The following XKRX variants were observed in gnomAD, a reference collection of about 807,000 sequenced individuals.
XKRX encodes XK-related protein 2.
XKRX carries 11 observed loss-of-function variants against 22.4 expected under a neutral mutation model. The observed-to-expected ratio is 0.49, with a 90% CI of 0.31 to 0.81. The LOEUF is 0.81. Among genes scored for constraint, XKRX ranks in the 40% least tolerant of loss-of-function variants. The pLI is 0.05. For missense variants in XKRX, 320 were observed against 336.5 expected (o/e 0.95, Z 0.38); for synonymous variants, 114 against 132.2 (o/e 0.86, Z 0.94).
intron 2 of XKRX, among the ~76,000 whole-genome samples, chrX:100,918,651 G>A (rs1013187069): frequency 9.0e-6 from 1 of 111,627 alleles, no homozygotes; most frequent in Non-Finnish European, 1.9e-5. Flanking sequence ...CTGTTTCTTC[G>A]TCTGTAAAAT....
upstream of XKRX, among the ~76,000 whole-genome samples, chrX:100,932,977 C>A (rs1179164085): frequency 9.1e-6 from 1 of 110,217 alleles, no homozygotes; most frequent in Non-Finnish European, 1.9e-5. Flanking sequence ...CCAACCTGGG[C>A]AACAAAGTGA....
downstream of XKRX, among the ~76,000 whole-genome samples, chrX:100,912,277 A>G (rs1214925631): frequency 9.0e-6 from 1 of 111,592 alleles, no homozygotes. Context: ...TTATATGACA[A>G]TAACTAAGTC....
chrX:100,905,747 C>A, the XKRX span, among the ~76,000 whole-genome samples: 1 of 111,831 alleles, frequency 8.9e-6, no homozygotes, highest in African/African-American at 3.2e-5. Context: ...TTATTTAACT[C>A]ATTGAGGAGG....
intron 2 of XKRX, among the ~76,000 whole-genome samples, chrX:100,916,759 C>T (rs1433758327): frequency 8.9e-6 from 1 of 112,525 alleles, no homozygotes; most frequent in Non-Finnish European, 1.9e-5. Flanking sequence ...TTACCTGGAA[C>T]ATAGCAGGTG....
upstream of XKRX, among the ~76,000 whole-genome samples, chrX:100,929,827 AAG>A (rs1246618575): frequency 8.9e-6 from 1 of 112,227 alleles, no homozygotes; most frequent in Non-Finnish European, 1.9e-5. Flanking sequence ...GCAAAGAGCC[AAG>A]AGAGAGCTGT....
At chrX:100,887,682 C>T in the XKRX span, 2 of 659,804 alleles carry the variant, frequency 3.0e-6, no homozygotes, top group East Asian at 3.2e-5. Flanking sequence ...CTGGAACCAC[C>T]ATAGCCACTG....
the XKRX span, among the ~76,000 whole-genome samples, chrX:100,908,138 T>TGTGTGTGTGTGTGTG: frequency 7.3e-5 from 8 of 109,170 alleles, no homozygotes; most frequent in African/African-American, 1.0e-4. Context: ...TGTGTGTGTG[T>TGTGTGTGTGTGTGTG]TTGAAACGGA....
chrX:100,953,688 C>T, the XKRX span, among the ~76,000 whole-genome samples: 1 of 110,346 alleles, frequency 9.1e-6, no homozygotes, highest in Non-Finnish European at 1.9e-5. Context: ...GTGGGCGGAT[C>T]ACCTGAGGTC....
the XKRX span, chrX:100,888,517 T>G: frequency 1.4e-6 from 1 of 716,572 alleles, no homozygotes; most frequent in East Asian, 3.2e-5. Context: ...TCTCGTCGGT[T>G]GTTTCAAACC....
intron 1 of XKRX, among the ~76,000 whole-genome samples, chrX:100,924,753 T>G (rs1374324070): frequency 8.9e-6 from 1 of 111,842 alleles, no homozygotes; most frequent in African/African-American, 3.2e-5. Context: ...AATGAAAGAA[T>G]AAGAAGGAAG....
the XKRX span, among the ~76,000 whole-genome samples, chrX:100,890,595 G>T: frequency 1.8e-5 from 2 of 110,122 alleles, no homozygotes; most frequent in Non-Finnish European, 3.8e-5. Context: ...GTTGGAACAG[G>T]AAAATCTTCT....
At chrX:100,892,514 G>T in the XKRX span, among the ~76,000 whole-genome samples, 8 of 111,680 alleles carry the variant, frequency 7.2e-5, no homozygotes, top group South Asian at 3.0e-3. Flanking sequence ...AATGAGCAAA[G>T]GATCTGAATA....
chrX:100,919,853 T>A (rs2085463282), intron 2 of XKRX, among the ~76,000 whole-genome samples: 1 of 112,075 alleles, frequency 8.9e-6, no homozygotes, highest in African/African-American at 3.2e-5. Flanking sequence ...CAATAAAATT[T>A]TAAACATACA....
intron 2 of XKRX, among the ~76,000 whole-genome samples, chrX:100,915,643 T>C: frequency 9.0e-6 from 1 of 110,758 alleles, no homozygotes; most frequent in South Asian, 3.9e-4. Flanking sequence ...ACAAACTCAG[T>C]ATCTGTTGAC....
the XKRX span, among the ~76,000 whole-genome samples, chrX:100,944,643 G>A: frequency 1.2e-4 from 14 of 112,454 alleles, no homozygotes; most frequent in South Asian, 1.8e-3. Context: ...GATTACAGGC[G>A]TGAGCCACCA....
chrX:100,958,422 G>C, the XKRX span, among the ~76,000 whole-genome samples: 2 of 111,894 alleles, frequency 1.8e-5, no homozygotes, highest in Non-Finnish European at 3.8e-5. Flanking sequence ...TTTTGCTTTC[G>C]ATTTTCTCAT....
At chrX:100,936,140 G>A in the XKRX span, among the ~76,000 whole-genome samples, 1 of 111,291 alleles carries the variant, frequency 9.0e-6, no homozygotes, top group Non-Finnish European at 1.9e-5. Context: ...AATTTCTGTT[G>A]CTCACAACTG....
chrX:100,897,592 TA>T, the XKRX span, among the ~76,000 whole-genome samples: 1 of 30,326 alleles, frequency 3.3e-5, no homozygotes, highest in Admixed American at 4.3e-4. Context: ...CAAATATATA[TA>T]TGTGTGTGTG....
At chrX:100,916,077 C>CCA (rs72334101) in intron 2 of XKRX, among the ~76,000 whole-genome samples, 17,311 of 96,771 alleles carry the variant, frequency 0.18, 1,569 homozygotes, top group South Asian at 0.26. Context: ...TTAAGTTTTA[C>CCA]CACACACACA....
Sources: allele counts gnomAD v4.1 joint callset (sites outside exome capture counted in the v4.1 genomes callset), GRCh38; gene constraint gnomAD v4.1.1; transcripts MANE v1.5; gene names NCBI Gene and HGNC (gene_info 2026-07-23, HGNC 2026-07-21).